CELF2: variants seen among roughly 807,000 people sequenced by gnomAD.
CELF2 encodes the protein CUG triplet repeat RNA-binding protein 2.
Under a neutral mutation model 62.6 loss-of-function variants are expected in CELF2, and 8 were observed. That is an observed-to-expected ratio of 0.13 (90% confidence interval 0.07 to 0.23). The LOEUF is 0.23. Among genes scored for constraint, CELF2 ranks in the 10% least tolerant of loss-of-function variants. The pLI, the probability that CELF2 is intolerant of heterozygous loss-of-function variation, is 1.00. For synonymous variants in CELF2, 258 were observed against 250.0 expected (o/e 1.03, Z -0.30); for missense variants, 333 against 671.0 (o/e 0.50, Z 5.56).
chr10:10,763,356 G>C, the CELF2 span, among the ~76,000 whole-genome samples: 2 of 152,190 alleles, frequency 1.3e-5, no homozygotes, highest in African/African-American at 4.8e-5. Flanking sequence ...GATGTGGTCT[G>C]TGACATACAT....
chr10:10,999,936 G>C (rs2054355084), intron 2 of CELF2, among the ~76,000 whole-genome samples: 2 of 152,240 alleles, frequency 1.3e-5, no homozygotes, highest in African/African-American at 4.8e-5. Flanking sequence ...AAAGGGAGTT[G>C]CTTGTGCCTT....
chr10:11,042,052 A>G (rs2061938058), intron 1 of CELF2, among the ~76,000 whole-genome samples: 1 of 152,192 alleles, frequency 6.6e-6, no homozygotes, highest in Admixed American at 6.5e-5. Flanking sequence ...ATTTCTGTTG[A>G]ACGATTTTTG....
chr10:10,577,828 A>C, the CELF2 span, among the ~76,000 whole-genome samples: 1 of 152,112 alleles, frequency 6.6e-6, no homozygotes, highest in Non-Finnish European at 1.5e-5. Flanking sequence ...ATACGTGTGC[A>C]TGTGTCTTTA....
chr10:11,093,515 T>A lies in CELF2; in HGVS notation c.75-71971T>A, dbSNP rs545103265. On this transcript the variant is annotated intron_variant, in intron 1 of 12. Coordinates refer to ENST00000633077, the MANE Select transcript of CELF2 (RefSeq NM_001326342.2). ...GATTACCTAATCAAATCAATAGCCC[T>A]ATGCATATCCCAGCTCCGTAATTGT... 2.6e-5 allele frequency among the ~76,000 whole-genome samples: 4 copies of A among 152,336 alleles called. No homozygotes were observed. The South Asian group carries it at 6.2e-4, about 24-fold the overall frequency.
chr10:10,921,135 C>T (rs1179926580), intron 2 of CELF2, among the ~76,000 whole-genome samples: 2 of 151,220 alleles, frequency 1.3e-5, no homozygotes, highest in Admixed American at 6.6e-5. Flanking sequence ...TTGTATTTTT[C>T]GTAGAGACAG....
intron 2 of CELF2, among the ~76,000 whole-genome samples, chr10:11,194,106 G>A (rs914934771): frequency 7.9e-5 from 12 of 151,780 alleles, no homozygotes; most frequent in Admixed American, 3.3e-4. Context: ...TCACTCTGTC[G>A]CCAGGCTGGA....
chr10:11,084,645 T>C (rs559526337), intron 1 of CELF2, among the ~76,000 whole-genome samples: 29 of 152,272 alleles, frequency 1.9e-4, no homozygotes, highest in African/African-American at 6.5e-4. Context: ...TGTTTTTAAA[T>C]TGAAAATGAA....
rs2046413728 is a variant in CELF2 at position 10,936,550 on chromosome 10, A to G, written c.89+16551A>G. The G allele has an allele frequency of 6.6e-6, 1 of 152,250 alleles. No individual in the cohort carries two copies. The highest frequency in any genetic ancestry group is 2.4e-5 in the African/African-American group (1 of 41,464). 9.4% of individuals were successfully genotyped at this position (152,250 alleles called of 1,614,324 possible). A position where few individuals can be genotyped will look rare whatever the true frequency, so the allele number is the denominator to read the frequency against. On this transcript the variant is annotated intron_variant, in intron 2 of 13. Transcript: ENST00000636488. This position sits in a 1 kb window ranked among gnomAD's most constrained non-coding sequence, Gnocchi z 4.0. Reference sequence around the variant, plus strand: ...CATTTTCTTGGGGTGGATGGAGTCCAGTTATCATTGCAGGGCCTGTTCTTG... The same window carrying G: ...CATTTTCTTGGGGTGGATGGAGTCCGGTTATCATTGCAGGGCCTGTTCTTG...
At chr10:10,875,732 G>C (rs1324652469) in intron 1 of CELF2, among the ~76,000 whole-genome samples, 1 of 152,066 alleles carries the variant, frequency 6.6e-6, no homozygotes, top group Admixed American at 6.6e-5. Context: ...GCTTGATAAA[G>C]TACAGTATGT....
At chr10:10,730,113 T>C in the CELF2 span, among the ~76,000 whole-genome samples, 3 of 152,314 alleles carry the variant, frequency 2.0e-5, no homozygotes, top group South Asian at 6.2e-4. Flanking sequence ...ACTAGGGGAC[T>C]TTTCCAATCT....
rs368047161 is a variant in CELF2 at position 11,030,001 on chromosome 10, GT to G, written c.74+11840del. 5.1e-3 allele frequency among the ~76,000 whole-genome samples: 783 copies of G among 152,240 alleles called. 8 individuals carry two copies. The highest frequency in any genetic ancestry group is 0.018 in the African/African-American group (745 of 41,544). On this transcript the variant is annotated intron_variant, in intron 1 of 12. Coordinates refer to ENST00000633077, the MANE Select transcript of CELF2 (RefSeq NM_001326342.2). ...GGTCTCCTAAGGATGTGCTACTTTT[GT>G]TCCAGATTTGTTTCCAGATGCCTGC...
intron 1 of CELF2, among the ~76,000 whole-genome samples, chr10:11,064,835 G>C (rs1322634015): frequency 6.6e-6 from 1 of 152,142 alleles, no homozygotes; most frequent in Non-Finnish European, 1.5e-5. Context: ...CTTGAGCTGG[G>C]ATAAACCTGG....
At chr10:10,723,680 A>C in the CELF2 span, among the ~76,000 whole-genome samples, 1 of 152,208 alleles carries the variant, frequency 6.6e-6, no homozygotes, top group African/African-American at 2.4e-5. Flanking sequence ...CAAAGGACTA[A>C]AGCATAGAGA....
chr10:10,950,916 C>T (rs1470290235), intron 2 of CELF2, among the ~76,000 whole-genome samples: 1 of 152,176 alleles, frequency 6.6e-6, no homozygotes, highest in Non-Finnish European at 1.5e-5. Context: ...AACACCTTGG[C>T]AGTCAAAGTT....
chr10:11,144,634 C>T (rs2061924810), intron 1 of CELF2, among the ~76,000 whole-genome samples: 1 of 151,020 alleles, frequency 6.6e-6, no homozygotes, highest in Non-Finnish European at 1.5e-5. Flanking sequence ...TGGCTCATGC[C>T]TATAATCTCA....
intron 1 of CELF2, among the ~76,000 whole-genome samples, chr10:11,129,112 C>G (rs370952579): frequency 1.3e-5 from 2 of 152,126 alleles, no homozygotes; most frequent in Admixed American, 6.5e-5. Context: ...TGTCAAAGGC[C>G]TATTCTGCAT....
At chr10:10,989,759 T>C (rs985050835) in intron 2 of CELF2, among the ~76,000 whole-genome samples, 3 of 151,968 alleles carry the variant, frequency 2.0e-5, no homozygotes, top group Non-Finnish European at 4.4e-5. Flanking sequence ...TTTTTAGGAA[T>C]TAAAATACAT....
intron 1 of CELF2, among the ~76,000 whole-genome samples, chr10:10,853,477 G>A (rs934532656): frequency 2.0e-5 from 3 of 152,060 alleles, no homozygotes; most frequent in African/African-American, 4.8e-5. Context: ...TTTTGGAAAT[G>A]AGCATAAAGA....
rs2063714551 is a variant in CELF2 at position 10,910,533 on chromosome 10, A to G, written c.54-9431A>G. 2.6e-5 allele frequency among the ~76,000 whole-genome samples: 4 copies of G among 151,856 alleles called. No homozygotes were observed. In the Middle Eastern group the frequency reaches 0.014, roughly 517 times the overall value. ...AACATGGTGAAACCCTGTCTATACT[A>G]AAAAATACAAAAATTAGCCAGGCAT... On this transcript the variant is annotated intron_variant, in intron 1 of 13. Transcript: ENST00000636488.
Sources: allele counts gnomAD v4.1 joint callset (sites outside exome capture counted in the v4.1 genomes callset), GRCh38; gene constraint gnomAD v4.1.1; non-coding constraint Gnocchi (gnomAD v3.1); transcripts MANE v1.5; gene names NCBI Gene and HGNC (gene_info 2026-07-23, HGNC 2026-07-21).